Variants in TUBGCP6 observed in about 807,000 individuals in gnomAD.
TUBGCP6 encodes the protein tubulin gamma complex component 6.
TUBGCP6 carries 161 observed loss-of-function variants against 175.8 expected under a neutral mutation model. The ratio of observed to expected loss-of-function variants is 0.92; its 90% CI spans 0.81 to 1.04. TUBGCP6 has a LOEUF of 1.04. TUBGCP6 is among the 50% of genes least tolerant of loss of function. The pLI, the probability that TUBGCP6 is intolerant of heterozygous loss-of-function variation, is 0.00. For synonymous variants in TUBGCP6, 1,173 were observed against 1,030.5 expected (o/e 1.14, Z -2.65); for missense variants, 2,572 against 2,433.0 (o/e 1.06, Z -1.20).
chr22:50,238,137 A>AAGAG (rs146778199), intron 2 of TUBGCP6, among the ~76,000 whole-genome samples: 112 of 149,592 alleles, frequency 7.5e-4, no homozygotes, highest in South Asian at 1.3e-3. Context: ...AGAAAAAGAA[A>AAGAG]AGAGAGAGAG....
chr22:50,220,354 G>A lies in TUBGCP6; in HGVS notation c.4005C>T (p.Gly1335=). The A allele has an allele frequency of 6.4e-7, 1 of 1,564,028 alleles. No homozygotes were observed. Among genetic ancestry groups the A allele is most frequent in the Non-Finnish European group, 8.7e-7 (1 of 1,151,136 alleles). Residue 1335 remains glycine, a synonymous_variant, in exon 16 of 25, where the codon GGC becomes GGT. Coordinates refer to ENST00000248846, the MANE Select transcript of TUBGCP6 (RefSeq NM_020461.4). ...CCACGCTGATGCTCCCCTCCCCGCA[G>A]CCCGAGCTGGGGGAGGACAGAGATG... The part of the protein sequence containing the change: ...VGPSLSSPSS[G]CGEGSISVGE...
chr22:50,222,661 G>A (rs950275436), intron 13 of TUBGCP6, 69 bp from the exon 14 acceptor site: 121 of 1,583,150 alleles, frequency 7.6e-5, no homozygotes, highest in Admixed American at 3.0e-4. Context: ...GCACCCCTCA[G>A]GCCAGGATGG....
chr22:50,224,904 C>A (rs1030846394), intron 10 of TUBGCP6, among the ~76,000 whole-genome samples: 3 of 152,108 alleles, frequency 2.0e-5, no homozygotes, highest in Non-Finnish European at 1.5e-5. Context: ...CTGGCTGACA[C>A]AGTGAGACCC....
intron 7 of TUBGCP6, 86 bp from the exon 8 acceptor site, chr22:50,226,464 T>C (rs2064611285): frequency 7.8e-7 from 1 of 1,285,728 alleles, no homozygotes; most frequent in African/African-American, 1.5e-5. Flanking sequence ...GACAGGGGCG[T>C]GGCTGTCAGT....
intron 2 of TUBGCP6, among the ~76,000 whole-genome samples, chr22:50,234,983 C>T (rs995322237): frequency 3.6e-5 from 5 of 139,096 alleles, no homozygotes; most frequent in Admixed American, 2.8e-4. Flanking sequence ...CCAGGTCCAC[C>T]GCAGCATCAT....
chr22:50,244,169 T>C lies in TUBGCP6; in HGVS notation c.291A>G (p.Glu97=), dbSNP rs1371952264. ...CCAAAAGCGGACAGCAAGGGGCTGCTTCCAGCTCCTCCACAAGCTCCTCCA... is the reference window on the plus strand; with the variant it reads ...CCAAAAGCGGACAGCAAGGGGCTGCCTCCAGCTCCTCCACAAGCTCCTCCA... ...DRLEELVEEL[E]AAPCCPLLEV... The change falls in exon 1 of 25, where the codon GAA becomes GAG. Residue 97 remains glutamate (E), a synonymous_variant. Transcript: ENST00000248846. 5 of 1,613,360 alleles carry C rather than the reference T, an allele frequency of 3.1e-6. No individual in the cohort carries two copies. Among genetic ancestry groups the C allele is most frequent in the Non-Finnish European group, 4.2e-6 (5 of 1,180,034 alleles).
Position 50,244,484 on chromosome 22 carries a change from G to C in TUBGCP6, c.-25C>G. ...TGCCCCTTCTCAGCTCCGGGCCCCC[G>C]GCGTGTGGGAAAACACCTCACCCGG... On this transcript the variant is annotated 5_prime_UTR_variant, in exon 1 of 25. Transcript: ENST00000248846. 1.3e-6 allele frequency: 2 copies of C among 1,586,846 alleles called. No individual in the cohort carries two copies. The highest frequency in any genetic ancestry group is 1.7e-4 in the Middle Eastern group (1 of 5,746).
chr22:50,219,327 A>T lies in TUBGCP6; in HGVS notation c.4445T>A (p.Val1482Glu). Reference sequence around the variant, plus strand: ...TGCCGTGATGGAGCGCTTCATGAGCACGGGCAGCGTCAGCAACTCGCTCAG... The same window carrying T: ...TGCCGTGATGGAGCGCTTCATGAGCTCGGGCAGCGTCAGCAACTCGCTCAG... ...VQLSELLTLP[V>E]LMKRSITAPL... Residue 1482 changes from valine (V) to glutamate (E), a missense_variant, in exon 19 of 25, where the codon GTG becomes GAG. Val to Glu is a moderately radical substitution (Grantham distance 121). Coordinates refer to ENST00000248846, the MANE Select transcript of TUBGCP6 (RefSeq NM_020461.4). The T allele has an allele frequency of 6.2e-7, 1 of 1,600,968 alleles. No homozygotes were observed. Among genetic ancestry groups the T allele is most frequent in the Middle Eastern group, 1.7e-4 (1 of 6,030 alleles).
At chr22:50,242,799 A>G (rs1217065616) in intron 1 of TUBGCP6, among the ~76,000 whole-genome samples, 2 of 152,150 alleles carry the variant, frequency 1.3e-5, no homozygotes, top group Non-Finnish European at 2.9e-5. Flanking sequence ...TGAGTATTTT[A>G]TTTTGTTTTA....
At chr22:50,227,679 C>T (rs922927444) in intron 5 of TUBGCP6, among the ~76,000 whole-genome samples, 13 of 152,212 alleles carry the variant, frequency 8.5e-5, no homozygotes, top group African/African-American at 2.4e-4. Context: ...CAGGAGCCAC[C>T]GGACCTGGAG....
intron 13 of TUBGCP6, chr22:50,223,242 C>G (rs889068566): frequency 3.9e-5 from 6 of 152,650 alleles, no homozygotes; most frequent in African/African-American, 1.4e-4. Flanking sequence ...CACGTGCACA[C>G]AGGCACGCGC....
chr22:50,218,430 G>A (rs528219246), intron 22 of TUBGCP6, 28 bp from the exon 23 acceptor site: 1 of 1,612,940 alleles, frequency 6.2e-7, no homozygotes, highest in South Asian at 1.1e-5. Context: ...GCAGAGGGCA[G>A]AGGTGAGCGC....
chr22:50,227,173 C>G, intron 5 of TUBGCP6, 96 bp from the exon 6 acceptor site: 1 of 1,115,744 alleles, frequency 9.0e-7, no homozygotes, highest in Non-Finnish European at 1.3e-6. Flanking sequence ...CTTTATGCTC[C>G]CTGGGGCAAC....
rs2147201095 is a variant in TUBGCP6 at position 50,233,532 on chromosome 22, AG to A, written c.906-7del. ...CCTCTCTGTGGCCAGGGGGGCTGCG[AG>A]GGGTGCAGAAGAGAGGCCATGAGCA... On this transcript the variant is annotated splice_region_variant and splice_polypyrimidine_tract_variant and intron_variant, in intron 2 of 24. Coordinates refer to ENST00000248846, the MANE Select transcript of TUBGCP6 (RefSeq NM_020461.4). 6.3e-7 allele frequency: 1 copy of A among 1,598,098 alleles called. No individual in the cohort carries two copies. The highest frequency in any genetic ancestry group is 1.3e-5 in the African/African-American group (1 of 74,674).
chr22:50,218,206 C>T lies in TUBGCP6; in HGVS notation c.5151G>A (p.Leu1717=). The T allele has an allele frequency of 6.2e-7, 1 of 1,612,170 alleles. No individual in the cohort carries two copies. The highest frequency in any genetic ancestry group is 1.6e-4 in the Middle Eastern group (1 of 6,062). The change falls in exon 23 of 25, where the codon CTG becomes CTA. Residue 1717 remains leucine (L), a synonymous_variant. Transcript: ENST00000248846. ...GGCCTCACCTGAAGACGGCCTTGTG[C>T]AGGTACTCTGCGTGCGCACGCTGGA... ...EEIQRAHAEY[L]HKAVFRGLLT... is the part of the protein sequence containing the mutation.
At position 50,218,618 on chromosome 22, in the gene TUBGCP6, C is replaced by CA. The variant is rs1273794057; in HGVS notation, c.4823dup (p.Asp1609GlyfsTer222). 1.2e-6 allele frequency: 2 copies of CA among 1,613,700 alleles called. No individual in the cohort carries two copies. The highest frequency in any genetic ancestry group is 2.2e-5 in the South Asian group (2 of 91,072). On this transcript the variant is annotated frameshift_variant and splice_region_variant, in exon 22 of 25. Transcript: ENST00000248846. LOFTEE classifies it high-confidence loss of function. ...TGATGACAATGTTGAGAGGCCAGTC[C>CA]ACCTGCCAGGAGGCGTGGCTCAGCA...
intron 2 of TUBGCP6, among the ~76,000 whole-genome samples, chr22:50,238,155 G>GAGAGAC (rs2064799087): frequency 6.7e-6 from 1 of 149,732 alleles, no homozygotes; most frequent in African/African-American, 2.5e-5. Flanking sequence ...GAGAGAGAGA[G>GAGAGAC]AGACAGACAG....
At chr22:50,220,072 A>AGCC in intron 16 of TUBGCP6, 57 bp from the exon 17 acceptor site, 4 of 1,582,280 alleles carry the variant, frequency 2.5e-6, no homozygotes, top group African/African-American at 2.7e-5. Context: ...TGGCGGGTAC[A>AGCC]GAGCCGAGCC....
intron 4 of TUBGCP6, among the ~76,000 whole-genome samples, chr22:50,229,172 C>A (rs1032152774): frequency 1.4e-4 from 21 of 152,160 alleles, no homozygotes; most frequent in Non-Finnish European, 2.8e-4. Flanking sequence ...CTCCTACACA[C>A]CCCAGGGCCC....
Sources: gnomAD v4.1 joint callset for allele counts (sites outside exome capture counted in the v4.1 genomes callset) on GRCh38, gnomAD v4.1.1 for gene constraint, MANE v1.5 for transcripts, NCBI Gene and HGNC (gene_info 2026-07-23, HGNC 2026-07-21) for gene names.